Variants in SGMS1 observed in about 807,000 individuals in gnomAD.
SGMS1 encodes the protein sphingomyelin synthase 1, also known as phosphatidylcholine:ceramide cholinephosphotransferase 1.
Under a neutral mutation model 46.2 loss-of-function variants are expected in SGMS1, and 13 were observed. That is an observed-to-expected ratio of 0.28 (90% CI 0.18 to 0.45). The LOEUF is 0.45. Among genes scored for constraint, SGMS1 ranks in the 20% least tolerant of loss-of-function variants. SGMS1 has a pLI of 1.00. For missense variants in SGMS1, 324 were observed against 519.9 expected (o/e 0.62, Z 3.66); for synonymous variants, 203 against 187.8 (o/e 1.08, Z -0.66).
intron 3 of SGMS1, among the ~76,000 whole-genome samples, chr10:50,486,853 G>T (rs1042938828): frequency 6.6e-6 from 1 of 152,140 alleles, no homozygotes; most frequent in East Asian, 1.9e-4. Context: ...AAAGATACAT[G>T]CATGCATATG....
chr10:50,478,992 T>A (rs1837452780), intron 3 of SGMS1, among the ~76,000 whole-genome samples: 1 of 145,158 alleles, frequency 6.9e-6, no homozygotes, highest in Non-Finnish European at 1.6e-5. Context: ...TCAGGGGCCA[T>A]CCACCCCCCA....
At chr10:50,461,552 A>G (rs1043431788) in intron 4 of SGMS1, among the ~76,000 whole-genome samples, 1 of 152,222 alleles carries the variant, frequency 6.6e-6, no homozygotes, top group Non-Finnish European at 1.5e-5. Context: ...ATCTATAAGA[A>G]GTAGGCTCTC....
intron 1 of SGMS1, among the ~76,000 whole-genome samples, chr10:50,601,943 C>A (rs1484690123): frequency 6.6e-6 from 1 of 152,206 alleles, no homozygotes; most frequent in East Asian, 1.9e-4. Flanking sequence ...AAAGTTTTGA[C>A]TGTGTTTTGA....
intron 6 of SGMS1, among the ~76,000 whole-genome samples, chr10:50,404,209 T>C (rs2133549322): frequency 6.6e-6 from 1 of 152,176 alleles, no homozygotes; most frequent in South Asian, 2.1e-4. Flanking sequence ...AGAGGGAAAG[T>C]AAATTTTTAA....
chr10:50,362,079 T>C (rs1338162855), intron 6 of SGMS1, among the ~76,000 whole-genome samples: 1 of 152,322 alleles, frequency 6.6e-6, no homozygotes. Context: ...ACACACTTAA[T>C]AGATGTTTCC....
chr10:50,440,953 C>A (rs915602413), intron 5 of SGMS1, among the ~76,000 whole-genome samples: 14 of 152,206 alleles, frequency 9.2e-5, no homozygotes. Context: ...TTCATTGAAT[C>A]ATGCCAAGAG....
At position 50,572,491 on chromosome 10, in the gene SGMS1, G is replaced by A. The variant is rs140297524; in HGVS notation, c.-589+17662C>T. Among the ~76,000 whole-genome samples the A allele has an allele frequency of 9.2e-3, 1,399 of 152,268 alleles. 16 individuals are homozygous for A. Among genetic ancestry groups the A allele is most frequent in the South Asian group, 0.035 (169 of 4,822 alleles). The stretch of plus-strand genomic sequence containing the variant: ...GTCAAGGTCTCTTCAGTTGTTATGG[G>A]AGGGGAGGTAGGAGATGGGTTGGGG... On this transcript the variant is annotated intron_variant, in intron 2 of 10. Coordinates refer to ENST00000361781, the MANE Select transcript of SGMS1 (RefSeq NM_147156.4).
At chr10:50,408,431 T>TAAAAAAAAAAAA (rs71029307) in intron 6 of SGMS1, among the ~76,000 whole-genome samples, 46 of 95,156 alleles carry the variant, frequency 4.8e-4, no homozygotes, top group South Asian at 7.7e-4. Flanking sequence ...CCTCATCTCT[T>TAAAAAAAAAAAA]AAAAAAAAAA....
intron 2 of SGMS1, among the ~76,000 whole-genome samples, chr10:50,545,031 TG>T (rs1838088124): frequency 6.6e-6 from 1 of 152,062 alleles, no homozygotes; most frequent in Non-Finnish European, 1.5e-5. Flanking sequence ...TGCTCTGAGG[TG>T]AAAATGGTAG....
At chr10:50,351,659 A>C (rs1298265074) in intron 6 of SGMS1, among the ~76,000 whole-genome samples, 1 of 151,606 alleles carries the variant, frequency 6.6e-6, no homozygotes, top group Non-Finnish European at 1.5e-5. Context: ...CTTGCTCCTC[A>C]TTTTTCTCTT....
intron 6 of SGMS1, among the ~76,000 whole-genome samples, chr10:50,397,955 G>A (rs994386825): frequency 2.6e-5 from 4 of 152,084 alleles, no homozygotes; most frequent in Non-Finnish European, 2.9e-5. Flanking sequence ...CCATTTCGCC[G>A]CTCTTCAGCA....
chr10:50,380,171 A>G (rs1207097187), intron 6 of SGMS1, among the ~76,000 whole-genome samples: 1 of 152,110 alleles, frequency 6.6e-6, no homozygotes, highest in Non-Finnish European at 1.5e-5. Flanking sequence ...ACCTGAGGTC[A>G]GATGTTTGAG....
intron 1 of SGMS1, among the ~76,000 whole-genome samples, chr10:50,620,498 G>C (rs1838839477): frequency 6.6e-6 from 1 of 152,240 alleles, no homozygotes; most frequent in Non-Finnish European, 1.5e-5. Context: ...TGGTGGGAAA[G>C]TGTATATGGC....
At chr10:50,400,075 G>T (rs1008682567) in intron 6 of SGMS1, among the ~76,000 whole-genome samples, 4 of 151,506 alleles carry the variant, frequency 2.6e-5, no homozygotes, top group Non-Finnish European at 1.5e-5. Flanking sequence ...AAGTACGTGC[G>T]TGAGGTGCTA....
intron 5 of SGMS1, among the ~76,000 whole-genome samples, chr10:50,442,550 G>A (rs1261926023): frequency 6.6e-6 from 1 of 152,104 alleles, no homozygotes; most frequent in African/African-American, 2.4e-5. Context: ...AGTGTTCCAT[G>A]GTATGTATGT....
chr10:50,438,569 C>T (rs1429295311), intron 5 of SGMS1, among the ~76,000 whole-genome samples: 4 of 152,230 alleles, frequency 2.6e-5, no homozygotes, highest in Non-Finnish European at 4.4e-5. Flanking sequence ...AAGTCATTCC[C>T]AGACTCCCGA....
intron 3 of SGMS1, among the ~76,000 whole-genome samples, chr10:50,471,866 C>T (rs1176847107): frequency 1.3e-5 from 2 of 152,172 alleles, no homozygotes; most frequent in African/African-American, 4.8e-5. Context: ...CACAGATATA[C>T]CAAAATAATC....
At chr10:50,326,288 T>G (rs1847531689) in intron 8 of SGMS1, among the ~76,000 whole-genome samples, 1 of 152,130 alleles carries the variant, frequency 6.6e-6, no homozygotes, top group Non-Finnish European at 1.5e-5. Flanking sequence ...AGATCCAAAA[T>G]TTCATATGAT....
At chr10:50,399,051 C>A (rs1411338707) in intron 6 of SGMS1, among the ~76,000 whole-genome samples, 1 of 151,956 alleles carries the variant, frequency 6.6e-6, no homozygotes, top group African/African-American at 2.4e-5. Context: ...AGAGAGGAAT[C>A]TTATCTTTTA....
Sources: allele counts gnomAD v4.1 joint callset (sites outside exome capture counted in the v4.1 genomes callset), GRCh38; gene constraint gnomAD v4.1.1; transcripts MANE v1.5; gene names NCBI Gene and HGNC (gene_info 2026-07-23, HGNC 2026-07-21).